DOCK10: variants seen among roughly 807,000 people sequenced by gnomAD.
DOCK10 encodes dedicator of cytokinesis 10.
DOCK10 carries 145 observed loss-of-function variants against 280.1 expected under a neutral mutation model. That is an observed-to-expected ratio of 0.52 (90% CI 0.45 to 0.59). The LOEUF is 0.59. Ranked by LOEUF, DOCK10 falls within the 20% of genes least tolerant of loss-of-function variation. DOCK10 has a pLI of 0.00. For synonymous variants in DOCK10, 915 were observed against 942.2 expected (o/e 0.97, Z 0.53); for missense variants, 2,368 against 2,651.7 (o/e 0.89, Z 2.35).
In DOCK10 at chr2:224,796,653, GA is replaced by G. The variant is rs1460358937; in HGVS notation, c.4828-228del. On this transcript the variant is annotated intron_variant, in intron 43 of 55. Transcript: ENST00000258390. ...TCTTGGAATCTTGGGATGCCTAGAA[GA>G]AAAAAAATTACGTTTGGAATTTGGC... Among the ~76,000 whole-genome samples, 4 of 152,182 alleles carry G rather than the reference GA, an allele frequency of 2.6e-5. No individual in the cohort carries two copies. In the South Asian group the frequency reaches 8.3e-4, roughly 32 times the overall value.
chr2:224,929,212 C>A (rs933582420), intron 2 of DOCK10, among the ~76,000 whole-genome samples: 4 of 152,170 alleles, frequency 2.6e-5, no homozygotes, highest in Admixed American at 2.0e-4. Context: ...AATTGGTTTA[C>A]CTTTTTGTTT....
At chr2:224,816,093 C>G (rs1282189391) in intron 30 of DOCK10, among the ~76,000 whole-genome samples, 2 of 151,878 alleles carry the variant, frequency 1.3e-5, no homozygotes, top group South Asian at 2.1e-4. Context: ...ATAGTTTACT[C>G]ATTGGTTGGT....
intron 1 of DOCK10, among the ~76,000 whole-genome samples, chr2:224,965,919 C>T (rs1205372583): frequency 2.6e-5 from 4 of 152,162 alleles, no homozygotes; most frequent in South Asian, 2.1e-4. Flanking sequence ...AATTCAACCA[C>T]GTCTCTTATA....
At chr2:224,920,734 T>A (rs1321569230) in intron 2 of DOCK10, among the ~76,000 whole-genome samples, 1 of 152,072 alleles carries the variant, frequency 6.6e-6, no homozygotes, top group Non-Finnish European at 1.5e-5. Context: ...ATTCCTCTTT[T>A]CCATTTTCCA....
intron 1 of DOCK10, chr2:224,947,192 G>T: frequency 2.2e-6 from 1 of 456,678 alleles, no homozygotes; most frequent in Non-Finnish European, 3.5e-6. Context: ...CTCTTCACCT[G>T]CAATAAAGCA....
intron 13 of DOCK10, among the ~76,000 whole-genome samples, chr2:224,863,595 G>C (rs968602634): frequency 3.9e-5 from 6 of 152,070 alleles, no homozygotes; most frequent in Non-Finnish European, 7.4e-5. Context: ...TGGGACTACA[G>C]GCGCCCGCCA....
At chr2:224,782,459 T>C (rs1012835800) in intron 50 of DOCK10, among the ~76,000 whole-genome samples, 1 of 152,226 alleles carries the variant, frequency 6.6e-6, no homozygotes, top group African/African-American at 2.4e-5. Flanking sequence ...TTATAGTCGA[T>C]GTTTGCTCAC....
Position 224,806,707 on chromosome 2 carries a change from G to A in DOCK10, c.3703-470C>T, listed in dbSNP as rs115079306. On this transcript the variant is annotated intron_variant, in intron 33 of 55. Coordinates refer to ENST00000258390, the MANE Select transcript of DOCK10 (RefSeq NM_014689.3). ...GCAGCCTCAACCTCCTGGCTCAAGC[G>A]ATCCTCCTGCCCTTAACCTCCTGAG... 4.1e-3 allele frequency among the ~76,000 whole-genome samples: 629 copies of A among 152,168 alleles called. 6 individuals carry two copies. The highest frequency in any genetic ancestry group is 0.014 in the African/African-American group (591 of 41,534).
At chr2:224,875,099 A>G (rs1698539137) in intron 8 of DOCK10, among the ~76,000 whole-genome samples, 1 of 152,216 alleles carries the variant, frequency 6.6e-6, no homozygotes, top group East Asian at 1.9e-4. Context: ...TCTGGCTCTC[A>G]GGCTATCAAT....
chr2:225,038,251 G>A (rs1307786414), intron 1 of DOCK10, among the ~76,000 whole-genome samples: 1 of 146,844 alleles, frequency 6.8e-6, no homozygotes, highest in Admixed American at 7.1e-5. Context: ...TGACTTTTGG[G>A]AAATTCCAGT....
At chr2:225,002,684 T>G (rs534639975) in intron 1 of DOCK10, among the ~76,000 whole-genome samples, 1 of 152,164 alleles carries the variant, frequency 6.6e-6, no homozygotes, top group African/African-American at 2.4e-5. Flanking sequence ...CATCCACATA[T>G]GCAGAAAGAA....
chr2:224,901,383 C>A (rs1025412151), intron 3 of DOCK10, among the ~76,000 whole-genome samples: 2 of 152,164 alleles, frequency 1.3e-5, no homozygotes, highest in Non-Finnish European at 2.9e-5. Context: ...CAGTCAGCTT[C>A]AAAGGCAAAG....
intron 20 of DOCK10, 30 bp from the exon 21 acceptor site, chr2:224,845,354 T>C: frequency 6.3e-7 from 1 of 1,580,338 alleles, no homozygotes; most frequent in Non-Finnish European, 8.6e-7. Flanking sequence ...ACAAAAATTC[T>C]GAGTACAAAC....
rs1249733892 is a variant in DOCK10 at position 224,852,984 on chromosome 2, T to C, written c.2027A>G (p.Tyr676Cys). ...ATACTTGAGGTGTTTGGGGTAAATA[T>C]AAATTTGATTTTTATATACTCTGTA... ...RPYRVYKNQI[Y>C]IYPKHLKYDS... is the part of the protein sequence containing the mutation. Residue 676 changes from tyrosine (Y) to cysteine (C), a missense_variant, in exon 17 of 56, where the codon TAT becomes TGT. By Grantham distance (194) the Tyr-to-Cys change is radical. This residue lies in a region of DOCK10 where 1,209 missense variants were observed against 1,250.9 expected (regional missense o/e 0.97). Coordinates refer to ENST00000258390, the MANE Select transcript of DOCK10 (RefSeq NM_014689.3). 3.1e-6 allele frequency: 5 copies of C among 1,610,120 alleles called. No individual in the cohort carries two copies. In the Admixed American group the frequency reaches 5.0e-5, roughly 16 times the overall value.
intron 28 of DOCK10, among the ~76,000 whole-genome samples, chr2:224,821,811 G>A (rs938254625): frequency 6.6e-6 from 1 of 151,794 alleles, no homozygotes; most frequent in African/African-American, 2.4e-5. Context: ...ATTCCCATAG[G>A]TCTTAAAATG....
intron 51 of DOCK10, 115 bp downstream of exon 51, chr2:224,778,023 A>G: frequency 9.3e-7 from 1 of 1,072,944 alleles, no homozygotes; most frequent in Non-Finnish European, 1.3e-6. Context: ...AACATCTAAA[A>G]TCGTTTTTGT....
chr2:224,943,786 C>G (rs1443159086), intron 1 of DOCK10, among the ~76,000 whole-genome samples: 7 of 111,612 alleles, frequency 6.3e-5, no homozygotes, highest in Non-Finnish European at 1.2e-4. Flanking sequence ...TTTTTTGAGT[C>G]AGAGTCTTGC....
At chr2:224,921,083 C>T (rs113750178) in intron 2 of DOCK10, among the ~76,000 whole-genome samples, 30,420 of 93,290 alleles carry the variant, frequency 0.33, 4,382 homozygotes, top group Admixed American at 0.37. Flanking sequence ...GGGAAAACAC[C>T]GTCTCTATTA....
chr2:224,819,713 A>G (rs1216942481), intron 28 of DOCK10, among the ~76,000 whole-genome samples, 184 bp from the exon 29 acceptor site: 1 of 152,232 alleles, frequency 6.6e-6, no homozygotes, highest in Non-Finnish European at 1.5e-5. Flanking sequence ...TAAAATAACT[A>G]CAATTTATAT....
Sources: allele counts gnomAD v4.1 joint callset (sites outside exome capture counted in the v4.1 genomes callset), GRCh38; gene constraint gnomAD v4.1.1; regional missense constraint gnomAD v4.1.1; transcripts MANE v1.5; gene names NCBI Gene and HGNC (gene_info 2026-07-23, HGNC 2026-07-21).